Variants in SOS1 observed in about 807,000 individuals in gnomAD.
SOS1 encodes the protein son of sevenless homolog 1.
SOS1 carries 25 observed loss-of-function variants against 157.6 expected under a neutral mutation model. That is an observed-to-expected ratio of 0.16 (90% CI 0.12 to 0.22). SOS1 has a LOEUF of 0.22. Ranked by LOEUF, SOS1 falls within the 10% of genes least tolerant of loss-of-function variation. The probability of loss-of-function intolerance (pLI) is 1.00; values close to 1 mark genes in which losing one functional copy is unlikely to be tolerated. For synonymous variants in SOS1, 528 were observed against 534.0 expected (o/e 0.99, Z 0.16); for missense variants, 1,237 against 1,599.1 (o/e 0.77, Z 3.86).
intron 2 of SOS1, 79 bp downstream of exon 2, chr2:39,067,549 A>G: frequency 7.5e-7 from 1 of 1,326,994 alleles, no homozygotes; most frequent in East Asian, 2.3e-5. Flanking sequence ...AGAGAGAGCA[A>G]ATTCTTTCCC....
chr2:38,996,224 G>C (rs987495093), intron 19 of SOS1, among the ~76,000 whole-genome samples: 2 of 152,196 alleles, frequency 1.3e-5, no homozygotes, highest in African/African-American at 4.8e-5. Flanking sequence ...CAAGTGGCTG[G>C]GACTACAGGC....
At chr2:39,082,601 G>C (rs1274704017) in intron 1 of SOS1, 1 of 152,174 alleles carries the variant, frequency 6.6e-6, no homozygotes, top group Admixed American at 6.5e-5. Flanking sequence ...GCTCGCTTTG[G>C]CAGCACGTAT....
chr2:39,059,015 T>A (rs1671310465), intron 2 of SOS1, among the ~76,000 whole-genome samples: 1 of 152,106 alleles, frequency 6.6e-6, no homozygotes, highest in Non-Finnish European at 1.5e-5. Context: ...ATTCTTTCTA[T>A]TATCTAGGGG....
chr2:38,998,142 C>T (rs566071093), intron 17 of SOS1, among the ~76,000 whole-genome samples: 67 of 152,172 alleles, frequency 4.4e-4, no homozygotes, highest in Non-Finnish European at 8.1e-4. Flanking sequence ...GTACACTGGA[C>T]GAGGAGGAGA....
chr2:39,039,634 TTTTAA>T lies in SOS1; in HGVS notation c.865-4139_865-4135del, dbSNP rs377679540. On this transcript the variant is annotated intron_variant, in intron 6 of 22. Coordinates refer to ENST00000402219, the MANE Select transcript of SOS1 (RefSeq NM_005633.4). Reference sequence around the variant, plus strand: ...CCATTTTTATTAGCTTGACTTTACATTTTAATTTATAGTTTTTAGAAAAGCTTTAT... The same window carrying T: ...CCATTTTTATTAGCTTGACTTTACATTTTATAGTTTTTAGAAAAGCTTTAT... Among the ~76,000 whole-genome samples, 163 of 152,362 alleles carry T rather than the reference TTTTAA, an allele frequency of 1.1e-3. 1 individual carries two copies. Among genetic ancestry groups the T allele is most frequent in the African/African-American group, 3.1e-3 (130 of 41,584 alleles).
chr2:39,106,255 G>C (rs1673174378), intron 1 of SOS1, among the ~76,000 whole-genome samples: 1 of 151,418 alleles, frequency 6.6e-6, no homozygotes, highest in Admixed American at 6.6e-5. Flanking sequence ...GGTTCCTCAA[G>C]TAATCTTCCT....
chr2:38,989,475 G>GA (rs1233087370), intron 20 of SOS1, among the ~76,000 whole-genome samples, 161 bp from the exon 21 acceptor site: 1 of 151,778 alleles, frequency 6.6e-6, no homozygotes, highest in Non-Finnish European at 1.5e-5. Flanking sequence ...CTTTTGAGAA[G>GA]AAAAAAATGA....
chr2:39,004,368 C>G (rs1330283087), intron 17 of SOS1, among the ~76,000 whole-genome samples: 2 of 127,280 alleles, frequency 1.6e-5, no homozygotes, highest in African/African-American at 3.0e-5. Flanking sequence ...ATGGCAGCTA[C>G]TGCATTCCAG....
At chr2:39,072,004 T>C (rs756344089) in intron 1 of SOS1, among the ~76,000 whole-genome samples, 2 of 152,280 alleles carry the variant, frequency 1.3e-5, no homozygotes, top group South Asian at 4.1e-4. Flanking sequence ...AGGAAGACTT[T>C]CTTGTTTCTT....
At position 39,067,633 on chromosome 2, in the gene SOS1, C is replaced by A. The variant is rs1671635364; in HGVS notation, c.208G>T (p.Val70Leu). ...CQAQPRSASD[V>L]EERVQKSFPH... ...CAAGACAACATTTGTCATACCTCTA[C>A]ATCTGAAGCACTTCGGGGCTGAGCT... The change falls in exon 2 of 23, where the codon GTA becomes TTA. Residue 70 changes from valine to leucine, a missense_variant. Coordinates refer to ENST00000402219, the MANE Select transcript of SOS1 (RefSeq NM_005633.4). 6.2e-7 allele frequency: 1 copy of A among 1,613,124 alleles called. No individual in the cohort carries two copies. Among genetic ancestry groups the A allele is most frequent in the Admixed American group, 1.7e-5 (1 of 59,980 alleles).
chr2:39,089,559 A>G (rs1300884216), intron 1 of SOS1, among the ~76,000 whole-genome samples: 2 of 151,686 alleles, frequency 1.3e-5, no homozygotes, highest in African/African-American at 4.8e-5. Flanking sequence ...AAAGAAAGAA[A>G]AGAAGCCAAC....
chr2:39,071,416 C>T (rs1671789346), intron 1 of SOS1, among the ~76,000 whole-genome samples: 1 of 152,136 alleles, frequency 6.6e-6, no homozygotes, highest in Non-Finnish European at 1.5e-5. Context: ...TAATAAACAT[C>T]TATCTCATGT....
chr2:39,085,054 T>C (rs1207058882), intron 1 of SOS1, among the ~76,000 whole-genome samples: 1 of 152,094 alleles, frequency 6.6e-6, no homozygotes, highest in African/African-American at 2.4e-5. Context: ...TTTGTATTTA[T>C]TTATTTTTTT....
intron 20 of SOS1, among the ~76,000 whole-genome samples, chr2:38,991,135 T>C (rs1481254165): frequency 6.6e-6 from 1 of 151,522 alleles, no homozygotes; most frequent in Admixed American, 6.6e-5. Context: ...CAACAGATGA[T>C]ACTATACAGT....
intron 3 of SOS1, among the ~76,000 whole-genome samples, chr2:39,058,047 A>C (rs953235280): frequency 6.6e-6 from 1 of 152,148 alleles, no homozygotes; most frequent in African/African-American, 2.4e-5. Flanking sequence ...TCTGTATTAT[A>C]GTATGTACAA....
chr2:39,101,634 A>C lies in SOS1; in HGVS notation c.87+18702T>G, dbSNP rs570880948. On this transcript the variant is annotated intron_variant, in intron 1 of 22. Coordinates refer to ENST00000402219, the MANE Select transcript of SOS1 (RefSeq NM_005633.4). Reference sequence around the variant, plus strand: ...ACATTTATATTAGGAGTATAAGGAAATGTTTAAAATATACTTAAAAAAAAA... The same window carrying C: ...ACATTTATATTAGGAGTATAAGGAACTGTTTAAAATATACTTAAAAAAAAA... Among the ~76,000 whole-genome samples the C allele has an allele frequency of 7.0e-4, 106 of 152,326 alleles. 2 individuals are homozygous for C. In the South Asian group the frequency reaches 0.021, roughly 30 times the overall value.
chr2:39,067,792 A>AT, intron 1 of SOS1, 39 bp from the exon 2 acceptor site: 1 of 1,590,730 alleles, frequency 6.3e-7, no homozygotes, highest in Non-Finnish European at 8.6e-7. Context: ...TGTGGGTTCC[A>AT]TATCATTAAA....
At chr2:39,033,817 G>T (rs1476567112) in intron 8 of SOS1, among the ~76,000 whole-genome samples, 4 of 152,076 alleles carry the variant, frequency 2.6e-5, no homozygotes, top group African/African-American at 4.8e-5. Flanking sequence ...AACTACAGGC[G>T]TGTGCCAACA....
chr2:39,032,724 G>A (rs1670204518), intron 8 of SOS1, among the ~76,000 whole-genome samples: 1 of 152,178 alleles, frequency 6.6e-6, no homozygotes, highest in Admixed American at 6.5e-5. Context: ...ACTTTTGGGA[G>A]GCTGAGGTGG....
Sources: gnomAD v4.1 joint callset for allele counts (sites outside exome capture counted in the v4.1 genomes callset) on GRCh38, gnomAD v4.1.1 for gene constraint, MANE v1.5 for transcripts, NCBI Gene and HGNC (gene_info 2026-07-23, HGNC 2026-07-21) for gene names.